Variants in SENP1 observed in about 807,000 individuals in gnomAD.
SENP1 encodes the protein sentrin-specific protease 1.
SENP1 carries 21 observed loss-of-function variants against 93.0 expected under a neutral mutation model. The ratio of observed to expected loss-of-function variants is 0.23; its 90% CI spans 0.16 to 0.33. SENP1 has a LOEUF of 0.33. Among genes scored for constraint, SENP1 ranks in the 10% least tolerant of loss-of-function variants. SENP1 has a pLI of 1.00. For synonymous variants in SENP1, 256 were observed against 259.6 expected (o/e 0.99, Z 0.13); for missense variants, 591 against 758.7 (o/e 0.78, Z 2.60).
chr12:48,048,364 AACT>A, intron 14 of SENP1, among the ~76,000 whole-genome samples: 1 of 152,332 alleles, frequency 6.6e-6, no homozygotes, highest in African/African-American at 2.4e-5. Flanking sequence ...ACAGTGAAGA[AACT>A]ACATGATTTT....
chr12:48,068,729 C>CA (rs1260432750), intron 9 of SENP1, among the ~76,000 whole-genome samples: 3 of 151,790 alleles, frequency 2.0e-5, no homozygotes, highest in Non-Finnish European at 4.4e-5. Context: ...CTATGACCAG[C>CA]AATGGGTGAC....
At chr12:48,103,987 C>G (rs1946158558) in intron 1 of SENP1, among the ~76,000 whole-genome samples, 1 of 151,962 alleles carries the variant, frequency 6.6e-6, no homozygotes, top group Non-Finnish European at 1.5e-5. Context: ...CCGAGGTGGG[C>G]AGATCACGAG....
chr12:48,104,276 GA>G (rs1328989575), intron 1 of SENP1, among the ~76,000 whole-genome samples: 19 of 78,024 alleles, frequency 2.4e-4, no homozygotes, highest in South Asian at 6.1e-4. Context: ...GGGGGGGGCG[GA>G]GGGAGGGAGA....
At position 48,085,085 on chromosome 12, in the gene SENP1, C is replaced by T. The variant is rs1476074543; in HGVS notation, c.381-1323G>A. ...GGATGGCGGGGAGAAGGAAGCTCAT[C>T]GCAGTGATCAGAGACAAGGACACGG... On this transcript the variant is annotated intron_variant, in intron 5 of 17. Coordinates refer to ENST00000549518, the MANE Select transcript of SENP1 (RefSeq NM_001267594.2). The T allele has an allele frequency of 3.7e-6, 5 of 1,359,202 alleles. 1 individual carries two copies. Among genetic ancestry groups the T allele is most frequent in the South Asian group, 2.5e-5 (2 of 80,140 alleles). 84.2% of individuals were successfully genotyped at this position (1,359,202 alleles called of 1,614,324 possible). A position where few individuals can be genotyped will look rare whatever the true frequency, so the allele number is the denominator to read the frequency against.
intron 13 of SENP1, chr12:48,055,721 G>A (rs542780106): frequency 6.7e-6 from 1 of 149,848 alleles, no homozygotes; most frequent in Non-Finnish European, 1.5e-5. Context: ...TATCTCAATA[G>A]TATTTTGACT....
At chr12:48,082,747 A>C (rs551073618) in intron 6 of SENP1, among the ~76,000 whole-genome samples, 2 of 152,322 alleles carry the variant, frequency 1.3e-5, no homozygotes, top group African/African-American at 4.8e-5. Context: ...ATAACAACCC[A>C]AGTGTCAACA....
chr12:48,080,996 T>A (rs1944455304), intron 6 of SENP1, among the ~76,000 whole-genome samples: 1 of 152,112 alleles, frequency 6.6e-6, no homozygotes, highest in Non-Finnish European at 1.5e-5. Context: ...CCCCCAGTCC[T>A]CAGGCTGGCA....
chr12:48,089,165 G>A, intron 4 of SENP1: 1 of 1,546,006 alleles, frequency 6.5e-7, no homozygotes, highest in Non-Finnish European at 8.7e-7. Flanking sequence ...ATACTAACCT[G>A]AAAATTGATG....
chr12:48,098,166 C>T (rs965908522), intron 2 of SENP1, 42 bp from the exon 3 acceptor site: 2 of 1,580,830 alleles, frequency 1.3e-6, no homozygotes, highest in Non-Finnish European at 1.7e-6. Flanking sequence ...CATAATTCTT[C>T]AATAACGTTT....
At chr12:48,054,108 T>C (rs1942034559) in intron 13 of SENP1, among the ~76,000 whole-genome samples, 1 of 152,204 alleles carries the variant, frequency 6.6e-6, no homozygotes, top group Non-Finnish European at 1.5e-5. Context: ...GTAGAGGAAG[T>C]GTTCCTGGTG....
At chr12:48,103,396 A>C (rs1946087102) in intron 1 of SENP1, among the ~76,000 whole-genome samples, 1 of 152,230 alleles carries the variant, frequency 6.6e-6, no homozygotes, top group Non-Finnish European at 1.5e-5. Context: ...CCTTTAACAC[A>C]ACCTCAAAGA....
chr12:48,081,734 C>A (rs1282538559), intron 6 of SENP1, among the ~76,000 whole-genome samples: 2 of 151,892 alleles, frequency 1.3e-5, no homozygotes, highest in Non-Finnish European at 2.9e-5. Flanking sequence ...CCACACCCAG[C>A]TAATTTTTTT....
chr12:48,045,591 A>C (rs558989047), intron 17 of SENP1, among the ~76,000 whole-genome samples: 1 of 152,286 alleles, frequency 6.6e-6, no homozygotes, highest in African/African-American at 2.4e-5. Flanking sequence ...TAGCCTTAGA[A>C]GTTACACTGG....
chr12:48,094,724 C>T (rs1945440587), intron 4 of SENP1, among the ~76,000 whole-genome samples: 1 of 151,798 alleles, frequency 6.6e-6, no homozygotes. Context: ...AGAAATAAAA[C>T]ATTAGAATTG....
intron 14 of SENP1, 80 bp from the exon 15 acceptor site, chr12:48,048,160 G>T: frequency 1.2e-6 from 1 of 860,804 alleles, no homozygotes; most frequent in East Asian, 2.5e-5. Flanking sequence ...CTGCCCTTTG[G>T]AACCTTTTGC....
chr12:48,087,403 T>A (rs1466072446), intron 5 of SENP1, among the ~76,000 whole-genome samples: 1 of 152,166 alleles, frequency 6.6e-6, no homozygotes, highest in East Asian at 1.9e-4. Flanking sequence ...AACATTTTTT[T>A]AAAATAACAG....
At chr12:48,093,681 C>T (rs533458419) in intron 4 of SENP1, among the ~76,000 whole-genome samples, 2 of 146,104 alleles carry the variant, frequency 1.4e-5, no homozygotes, top group Non-Finnish European at 3.0e-5. Context: ...TGTGGATGTG[C>T]GTATCAATTC....
intron 3 of SENP1, among the ~76,000 whole-genome samples, chr12:48,097,361 C>A (rs1053750358): frequency 6.6e-6 from 1 of 152,112 alleles, no homozygotes; most frequent in South Asian, 2.1e-4. Flanking sequence ...GTGCCTAGGG[C>A]TCATGGATGC....
intron 6 of SENP1, among the ~76,000 whole-genome samples, chr12:48,075,147 C>T (rs1013555428): frequency 2.0e-5 from 3 of 151,962 alleles, no homozygotes; most frequent in African/African-American, 4.8e-5. Flanking sequence ...ACCTGGAAGG[C>T]GAAGGTTGCA....
Sources: gnomAD v4.1 joint callset for allele counts (sites outside exome capture counted in the v4.1 genomes callset) on GRCh38, gnomAD v4.1.1 for gene constraint, MANE v1.5 for transcripts, NCBI Gene and HGNC (gene_info 2026-07-23, HGNC 2026-07-21) for gene names.